NUP210L: variants seen among roughly 807,000 people sequenced by gnomAD.
NUP210L encodes the protein nuclear pore membrane glycoprotein 210-like.
Under a neutral mutation model 208.5 loss-of-function variants are expected in NUP210L, and 74 were observed. The ratio of observed to expected loss-of-function variants is 0.35; its 90% CI spans 0.29 to 0.43. NUP210L has a LOEUF of 0.43. Among genes scored for constraint, NUP210L ranks in the 20% least tolerant of loss-of-function variants. NUP210L has a pLI of 1.00. For synonymous variants in NUP210L, 780 were observed against 816.9 expected, an observed-to-expected ratio of 0.95 and a Z score of 0.77; for missense variants, 1,843 against 2,289.4, an observed-to-expected ratio of 0.81 and a Z score of 3.98.
At chr1:154,067,437 C>T (rs1337856183) in intron 17 of NUP210L, among the ~76,000 whole-genome samples, 3 of 152,098 alleles carry the variant, frequency 2.0e-5, no homozygotes, top group South Asian at 2.1e-4. Flanking sequence ...ATTGATGGGA[C>T]GTATCTCAAA....
intron 15 of NUP210L, among the ~76,000 whole-genome samples, chr1:154,090,740 G>C (rs576023880): frequency 6.6e-6 from 1 of 152,146 alleles, no homozygotes; most frequent in South Asian, 2.1e-4. Flanking sequence ...GAACCCGGGA[G>C]GCGGAGGTTG....
chr1:154,073,376 A>C (rs1049953499), intron 16 of NUP210L, among the ~76,000 whole-genome samples: 1 of 152,068 alleles, frequency 6.6e-6, no homozygotes, highest in Admixed American at 6.6e-5. Context: ...AATAAAAAAG[A>C]TTAGTCACAT....
At chr1:154,107,388 GGC>G (rs1240696154) in intron 12 of NUP210L, among the ~76,000 whole-genome samples, 1 of 151,026 alleles carries the variant, frequency 6.6e-6, no homozygotes, top group African/African-American at 2.4e-5. Flanking sequence ...GCAGGAGAAT[GGC>G]GTGAACCTGG....
At chr1:153,993,396 C>T (rs1474819935) in intron 38 of NUP210L, among the ~76,000 whole-genome samples, 1 of 151,668 alleles carries the variant, frequency 6.6e-6, no homozygotes, top group African/African-American at 2.4e-5. Flanking sequence ...GAAACCCCGT[C>T]TCTACTAAAA....
intron 17 of NUP210L, among the ~76,000 whole-genome samples, chr1:154,062,567 C>CTTTTTTTTTTT (rs34499821): frequency 2.5e-3 from 190 of 75,008 alleles, no homozygotes; most frequent in East Asian, 4.2e-3. Flanking sequence ...TTTCTTTTTC[C>CTTTTTTTTTTT]TTTTTTTTTT....
At chr1:154,071,253 C>T (rs935863434) in intron 16 of NUP210L, among the ~76,000 whole-genome samples, 3 of 151,688 alleles carry the variant, frequency 2.0e-5, no homozygotes, top group Admixed American at 6.6e-5. Context: ...CGTGCCACCA[C>T]ACCTGGATAA....
In NUP210L at chr1:153,993,108, A is replaced by C; in HGVS notation, c.5492-19T>G. 6.3e-7 allele frequency: 1 copy of C among 1,598,154 alleles called. No homozygotes were observed. The highest frequency in any genetic ancestry group is 8.6e-7 in the Non-Finnish European group (1 of 1,168,740). ...TTGTATGCTGGAAAAAGGACAGGAA[A>C]TGTCACAAGGCATATCTGAGGAAGG... On this transcript the variant is annotated intron_variant, in intron 38 of 39. Transcript: ENST00000368559.
At chr1:154,027,018 G>T (rs1287315067) in intron 29 of NUP210L, among the ~76,000 whole-genome samples, 1 of 147,698 alleles carries the variant, frequency 6.8e-6, no homozygotes, top group Non-Finnish European at 1.5e-5. Flanking sequence ...GGGAGGTGGA[G>T]GTTGCAGTGA....
intron 35 of NUP210L, among the ~76,000 whole-genome samples, chr1:154,005,014 C>T (rs1650436215): frequency 6.7e-6 from 1 of 149,632 alleles, no homozygotes; most frequent in Non-Finnish European, 1.5e-5. Flanking sequence ...CCACCACGCC[C>T]AGTTAGTTTT....
intron 33 of NUP210L, 127 bp from the exon 34 acceptor site, chr1:154,012,497 A>T (rs1650983311): frequency 3.5e-6 from 3 of 848,680 alleles, no homozygotes; most frequent in African/African-American, 1.7e-5. Flanking sequence ...CCATCTCATG[A>T]CCACATATTT....
chr1:154,120,484 G>T (rs1657560972), intron 10 of NUP210L, among the ~76,000 whole-genome samples: 1 of 152,012 alleles, frequency 6.6e-6, no homozygotes, highest in Admixed American at 6.6e-5. Context: ...TCATGGGGTT[G>T]GGGGAGGGGG....
Position 154,084,885 on chromosome 1 carries a change from A to T in NUP210L, c.2361+4536T>A, listed in dbSNP as rs138760472. ...TGAAATTAGAAATCAGTAACAGGAAATCTGGAATATTCACAAATGTGTGGA... is the reference window on the plus strand; with the variant it reads ...TGAAATTAGAAATCAGTAACAGGAATTCTGGAATATTCACAAATGTGTGGA... On this transcript the variant is annotated intron_variant, in intron 16 of 39. Transcript: ENST00000368559. Among the ~76,000 whole-genome samples, 3 of 150,044 alleles carry T rather than the reference A, an allele frequency of 2.0e-5. No individual in the cohort carries two copies. The East Asian group carries it at 6.1e-4, about 30-fold the overall frequency.
chr1:154,114,304 A>T (rs1657202783), intron 12 of NUP210L, among the ~76,000 whole-genome samples: 1 of 152,072 alleles, frequency 6.6e-6, no homozygotes, highest in South Asian at 2.1e-4. Context: ...ATTAATAAAT[A>T]AAATAAAATA....
chr1:154,080,027 A>T (rs1272491160), intron 16 of NUP210L: 1 of 152,240 alleles, frequency 6.6e-6, no homozygotes, highest in Admixed American at 6.5e-5. Flanking sequence ...AAGAAAAAAT[A>T]AAGCAGTTAA....
At chr1:153,992,829 C>G in exon 40 of NUP210L, 1 of 1,578,164 alleles carries the variant, frequency 6.3e-7, no homozygotes, top group Admixed American at 1.8e-5. Context: ...CTTGTCCAAG[C>G]AGAGGTTAGT....
chr1:154,054,510 A>G, intron 24 of NUP210L, 103 bp from the exon 25 acceptor site: 3 of 1,106,230 alleles, frequency 2.7e-6, no homozygotes, highest in Non-Finnish European at 4.0e-6. Flanking sequence ...ATCTTCCCCC[A>G]TTTCTTGAAC....
chr1:154,030,073 G>C lies in NUP210L; in HGVS notation c.3697-19C>G. On this transcript the variant is annotated intron_variant, in intron 27 of 39. Coordinates refer to ENST00000368559, the Ensembl canonical transcript of NUP210L. Reference sequence around the variant, plus strand: ...GAAAAACCTAGACAGTGAAGGGATAGATTAAGAAATATTCATCAATAAACA... The same window carrying C: ...GAAAAACCTAGACAGTGAAGGGATACATTAAGAAATATTCATCAATAAACA... 6.7e-7 allele frequency: 1 copy of C among 1,486,028 alleles called. No homozygotes were observed. Among genetic ancestry groups the C allele is most frequent in the Non-Finnish European group, 9.0e-7 (1 of 1,116,018 alleles). The allele number at this position is 1,486,028 out of a possible 1,614,324, so 92.1% of individuals were successfully genotyped here. A position where few individuals can be genotyped will look rare whatever the true frequency, so the allele number is the denominator to read the frequency against.
chr1:154,051,108 A>G (rs1206481477), intron 25 of NUP210L, among the ~76,000 whole-genome samples: 1 of 152,196 alleles, frequency 6.6e-6, no homozygotes, highest in Non-Finnish European at 1.5e-5. Flanking sequence ...CCCTTTTTAC[A>G]TCACTCACAT....
At chr1:154,152,822 C>T (rs1292785119) in exon 2 of NUP210L, 2 of 1,613,780 alleles carry the variant, frequency 1.2e-6, no homozygotes, top group African/African-American at 1.3e-5. Flanking sequence ...ACACAAGGTG[C>T]CATTTTCATA....
Sources: gnomAD v4.1 joint callset for allele counts (sites outside exome capture counted in the v4.1 genomes callset) on GRCh38, gnomAD v4.1.1 for gene constraint, MANE v1.5 for transcripts, NCBI Gene and HGNC (gene_info 2026-07-23, HGNC 2026-07-21) for gene names.